Variants in NRDC observed in about 807,000 individuals in gnomAD.
The protein encoded by NRDC is nardilysin.
NRDC carries 54 observed loss-of-function variants against 147.1 expected under a neutral mutation model. The ratio of observed to expected loss-of-function variants is 0.37; its 90% confidence interval spans 0.29 to 0.46. The LOEUF (loss-of-function observed/expected upper bound fraction) is 0.46, where lower values mean the gene tolerates loss of function less well. Among genes scored for constraint, NRDC ranks in the 20% least tolerant of loss-of-function variants. The pLI is 1.00. For synonymous variants in NRDC, 440 were observed against 482.1 expected, an observed-to-expected ratio of 0.91 and a Z score of 1.14; for missense variants, 1,082 against 1,370.6, an observed-to-expected ratio of 0.79 and a Z score of 3.33.
In NRDC at chr1:51,840,414, C is replaced by T. The variant is rs139494010; in HGVS notation, c.442G>A (p.Glu148Lys). The change falls in exon 2 of 31, where the codon GAG becomes AAG. Residue 148 changes from glutamate (E) to lysine (K), a missense_variant. Around this residue, in one of 3 missense-constraint regions of NRDC, gnomAD observed 260 missense variants for 253.2 expected, o/e 1.03. Transcript: ENST00000352171. ...GNTTDDEEEE[E>K]VEEEEEDDDE... is the part of the protein sequence containing the mutation. ...TCATCTTCTTCTTCTTCCTCCACCTCCTCTTCTTCTTCATCATCTGTTGTA... is the reference window on the plus strand; with the variant it reads ...TCATCTTCTTCTTCTTCCTCCACCTTCTCTTCTTCTTCATCATCTGTTGTA... 239 of 1,595,472 alleles carry T rather than the reference C, an allele frequency of 1.5e-4. No individual in the cohort carries two copies. Among genetic ancestry groups the T allele is most frequent in the Non-Finnish European group, 1.8e-5 (21 of 1,163,372 alleles).
intron 1 of NRDC, among the ~76,000 whole-genome samples, chr1:51,852,865 T>C (rs948971817): frequency 3.3e-5 from 5 of 152,240 alleles, no homozygotes; most frequent in African/African-American, 9.6e-5. Flanking sequence ...ACCCAGCTAA[T>C]AGAACAATGA....
At chr1:51,794,875 A>C in intron 22 of NRDC, 21 bp from the exon 23 acceptor site, 1 of 1,613,606 alleles carries the variant, frequency 6.2e-7, no homozygotes, top group Non-Finnish European at 8.5e-7. Context: ...AAAGAGAATA[A>C]CTACATTAAG....
chr1:51,818,338 G>A (rs914788654), intron 9 of NRDC, among the ~76,000 whole-genome samples: 10 of 152,168 alleles, frequency 6.6e-5, no homozygotes, highest in African/African-American at 2.2e-4. Flanking sequence ...TTCAGAGGTA[G>A]AGAAAGCAGG....
At chr1:51,801,978 G>A (rs1441136228) in intron 20 of NRDC, among the ~76,000 whole-genome samples, 3 of 152,026 alleles carry the variant, frequency 2.0e-5, no homozygotes, top group African/African-American at 7.2e-5. Context: ...TAGTAGAGAC[G>A]GGGTTTCACT....
At chr1:51,816,722 C>A (rs1175498789) in intron 10 of NRDC, among the ~76,000 whole-genome samples, 1 of 152,102 alleles carries the variant, frequency 6.6e-6, no homozygotes, top group South Asian at 2.1e-4. Context: ...CAGTCTAGAA[C>A]CTAATATAGG....
At chr1:51,811,883 G>A in intron 15 of NRDC, 111 bp downstream of exon 15, 1 of 610,036 alleles carries the variant, frequency 1.6e-6, no homozygotes, top group Non-Finnish European at 2.8e-6. Flanking sequence ...CAAAAATCCT[G>A]ACTAAATATA....
At chr1:51,872,762 T>C (rs1301214212) in intron 1 of NRDC, among the ~76,000 whole-genome samples, 1 of 152,186 alleles carries the variant, frequency 6.6e-6, no homozygotes, top group Non-Finnish European at 1.5e-5. Flanking sequence ...ACAAAAGATA[T>C]GTTTATTAAA....
At chr1:51,830,912 G>A (rs1446125294) in intron 4 of NRDC, among the ~76,000 whole-genome samples, 3 of 152,048 alleles carry the variant, frequency 2.0e-5, no homozygotes, top group African/African-American at 7.2e-5. Context: ...TTAAAAACAG[G>A]TACTTAATCC....
At chr1:51,840,895 TAGGCTA>T (rs1415105417) in intron 1 of NRDC, among the ~76,000 whole-genome samples, 1 of 152,218 alleles carries the variant, frequency 6.6e-6, no homozygotes, top group Non-Finnish European at 1.5e-5. Context: ...CCAGAAGACT[TAGGCTA>T]AGATAAATTG....
intron 21 of NRDC, among the ~76,000 whole-genome samples, chr1:51,799,740 C>T (rs1679099668): frequency 6.6e-6 from 1 of 152,000 alleles, no homozygotes; most frequent in South Asian, 2.1e-4. Context: ...TACAATTAGC[C>T]CTGGACTAAA....
intron 1 of NRDC, among the ~76,000 whole-genome samples, chr1:51,861,405 C>T (rs1682534998): frequency 6.7e-6 from 1 of 148,914 alleles, no homozygotes; most frequent in South Asian, 2.1e-4. Flanking sequence ...TCTTGGCTCA[C>T]TGCAACCTCT....
At chr1:51,857,320 ATC>A (rs1475046951) in intron 1 of NRDC, among the ~76,000 whole-genome samples, 2 of 152,200 alleles carry the variant, frequency 1.3e-5, no homozygotes. Context: ...TCTGTACCTC[ATC>A]TCTGTTTTCT....
chr1:51,829,178 C>T (rs1359111258), intron 4 of NRDC, among the ~76,000 whole-genome samples: 1 of 152,188 alleles, frequency 6.6e-6, no homozygotes, highest in Non-Finnish European at 1.5e-5. Context: ...ATCCTCCCAC[C>T]TCAGCATCCC....
intron 4 of NRDC, among the ~76,000 whole-genome samples, chr1:51,829,111 G>T (rs968759899): frequency 5.3e-5 from 8 of 152,108 alleles, no homozygotes; most frequent in African/African-American, 1.7e-4. Context: ...ACCCAGACTG[G>T]AGTGTGTAGT....
At chr1:51,834,194 A>T in intron 3 of NRDC, 24 bp from the exon 4 acceptor site, 3 of 1,611,886 alleles carry the variant, frequency 1.9e-6, no homozygotes, top group Non-Finnish European at 1.7e-6. Flanking sequence ...ACACAAAGTC[A>T]CACAACACAA....
At position 51,803,842 on chromosome 1, in the gene NRDC, C is replaced by T. The variant is rs1424504652; in HGVS notation, c.2285G>A (p.Arg762Gln). ...TAGTTTGTGGTTAAATCCTTTCACT[C>T]GAATAATTAAACCATGTTCTCCAGC... is the stretch of plus-strand genomic sequence containing the variant. ...LVAGEHGLII[R>Q]VKGFNHKLPL... The change falls in exon 20 of 31, where the codon CGA (arginine) becomes CAA (glutamine). Residue 762 changes from arginine (R) to glutamine (Q), a missense_variant. This residue lies in a region of NRDC where 635 missense variants were observed against 923.8 expected (regional missense o/e 0.69). Coordinates refer to ENST00000352171, the MANE Select transcript of NRDC (RefSeq NM_001101662.2). 3 of 1,613,278 alleles carry T rather than the reference C, an allele frequency of 1.9e-6. No individual in the cohort carries two copies. Among genetic ancestry groups the T allele is most frequent in the Non-Finnish European group, 2.5e-6 (3 of 1,179,694 alleles).
chr1:51,835,992 C>T (rs1680952628), intron 3 of NRDC, 139 bp downstream of exon 3: 1 of 675,210 alleles, frequency 1.5e-6, no homozygotes, highest in East Asian at 2.7e-5. Flanking sequence ...ATTCATAAAT[C>T]AAGGATTTTT....
In NRDC at chr1:51,800,538, C is replaced by T; in HGVS notation, c.2441+18G>A. The T allele has an allele frequency of 6.2e-7, 1 of 1,613,188 alleles. No homozygotes were observed. The highest frequency in any genetic ancestry group is 8.5e-7 in the Non-Finnish European group (1 of 1,179,550). On this transcript the variant is annotated intron_variant, in intron 21 of 30. Coordinates refer to ENST00000352171, the MANE Select transcript of NRDC (RefSeq NM_001101662.2). ...CTTTCAGGTCCTCAAAATATAAGCTCATCTCATTTATACCCACTTGGCCAA... is the reference window on the plus strand; with the variant it reads ...CTTTCAGGTCCTCAAAATATAAGCTTATCTCATTTATACCCACTTGGCCAA...
chr1:51,794,523 C>G lies in NRDC; in HGVS notation c.2724G>C (p.Val908=), dbSNP rs758769904. ...TGGCATCACCCTTGTTCAGAGCTTTCACTTTGCATAGATGGTGGCCACTGG... is the reference window on the plus strand; with the variant it reads ...TGGCATCACCCTTGTTCAGAGCTTTGACTTTGCATAGATGGTGGCCACTGG... ...ELPSGHHLCK[V]KALNKGDANS... is the part of the protein sequence containing the mutation. The change falls in exon 24 of 31, where the codon GTG becomes GTC. Residue 908 remains valine, a synonymous_variant. Transcript: ENST00000352171. 5 of 1,614,050 alleles carry G rather than the reference C, an allele frequency of 3.1e-6. No homozygotes were observed. The highest frequency in any genetic ancestry group is 4.2e-6 in the Non-Finnish European group (5 of 1,180,034).
Sources: allele counts gnomAD v4.1 joint callset (sites outside exome capture counted in the v4.1 genomes callset), GRCh38; gene constraint gnomAD v4.1.1; regional missense constraint gnomAD v4.1.1; transcripts MANE v1.5; gene names NCBI Gene and HGNC (gene_info 2026-07-23, HGNC 2026-07-21).